The following ZFHX3 variants were observed in gnomAD, a reference collection of about 807,000 sequenced individuals.
The protein encoded by ZFHX3 is zinc finger homeobox 3.
In ZFHX3, 42 loss-of-function variants were observed where a neutral mutation model predicts 279.1. That is an observed-to-expected ratio of 0.15 (90% CI 0.12 to 0.19). The LOEUF is 0.19. Ranked by LOEUF, ZFHX3 falls within the 10% of genes least tolerant of loss-of-function variation. The probability of loss-of-function intolerance (pLI) is 1.00; values close to 1 mark genes in which losing one functional copy is unlikely to be tolerated. For synonymous variants in ZFHX3, 2,293 were observed against 1,957.8 expected (o/e 1.17, Z -4.52); for missense variants, 4,981 against 4,754.0 (o/e 1.05, Z -1.40).
At chr16:72,846,891 T>C (rs940899809) in intron 4 of ZFHX3, among the ~76,000 whole-genome samples, 2 of 152,118 alleles carry the variant, frequency 1.3e-5, no homozygotes, top group Admixed American at 6.5e-5. Context: ...TCCTTTGCCA[T>C]GGGCGGTGCT....
intron 1 of ZFHX3, among the ~76,000 whole-genome samples, chr16:73,844,374 C>T (rs1961390319): frequency 6.6e-6 from 1 of 152,076 alleles, no homozygotes; most frequent in African/African-American, 2.4e-5. Flanking sequence ...AATAAGAAAG[C>T]ATGACCCTGT....
At chr16:73,466,820 T>C (rs926947971) in intron 2 of ZFHX3, among the ~76,000 whole-genome samples, 1 of 152,270 alleles carries the variant, frequency 6.6e-6, no homozygotes, top group South Asian at 2.1e-4. Flanking sequence ...GATCTCATAT[T>C]CTGAAATTTT....
chr16:72,983,975 T>C (rs1186177316), intron 1 of ZFHX3, among the ~76,000 whole-genome samples: 1 of 152,218 alleles, frequency 6.6e-6, no homozygotes, highest in South Asian at 2.1e-4. Flanking sequence ...TGGCTCTCTA[T>C]GGCCTGGCTT....
intron 6 of ZFHX3, chr16:73,134,412 C>T (rs4268781): frequency 0.62 from 90,036 of 145,014 alleles, 29,056 homozygotes; most frequent in African/African-American, 0.75. Context: ...GGCGTTATCA[C>T]GGCTCAGTCC....
chr16:73,135,969 T>G (rs1440672963), intron 6 of ZFHX3, among the ~76,000 whole-genome samples: 2 of 152,008 alleles, frequency 1.3e-5, no homozygotes, highest in African/African-American at 4.8e-5. Context: ...GCAATTCCCC[T>G]GCCTCAGCCT....
At chr16:73,729,916 A>C (rs942066808) in intron 1 of ZFHX3, among the ~76,000 whole-genome samples, 3 of 152,214 alleles carry the variant, frequency 2.0e-5, no homozygotes, top group Non-Finnish European at 4.4e-5. Context: ...AGTGTAAAAA[A>C]TATGTACAGC....
At chr16:73,175,803 C>A (rs991360098) in intron 5 of ZFHX3, among the ~76,000 whole-genome samples, 1 of 152,162 alleles carries the variant, frequency 6.6e-6, no homozygotes, top group Non-Finnish European at 1.5e-5. Flanking sequence ...ACATTCCCAA[C>A]GCTTGAACCC....
At chr16:73,207,936 C>T (rs2011869527) in intron 5 of ZFHX3, among the ~76,000 whole-genome samples, 1 of 152,150 alleles carries the variant, frequency 6.6e-6, no homozygotes, top group African/African-American at 2.4e-5. Context: ...TTTGTCTCAG[C>T]TTTTCTACTT....
upstream of ZFHX3, among the ~76,000 whole-genome samples, chr16:73,050,171 CAGA>C (rs1965423862): frequency 6.6e-6 from 1 of 152,222 alleles, no homozygotes; most frequent in Non-Finnish European, 1.5e-5. Flanking sequence ...GGTAGGCCCA[CAGA>C]CAAATACCTT....
chr16:73,058,554 G>A, exon 1 of ZFHX3: 1 of 197,108 alleles, frequency 5.1e-6, no homozygotes, highest in Non-Finnish European at 1.0e-5. Flanking sequence ...GGCGGCGGCG[G>A]CTGCAGCGGC....
chr16:73,750,059 C>CTA (rs1597094232), intron 1 of ZFHX3, among the ~76,000 whole-genome samples: 2 of 152,128 alleles, frequency 1.3e-5, no homozygotes, highest in East Asian at 3.9e-4. Flanking sequence ...GGCTAACAAT[C>CTA]TATACTCTCC....
At chr16:73,755,467 T>C (rs559808983) in intron 1 of ZFHX3, among the ~76,000 whole-genome samples, 2 of 152,198 alleles carry the variant, frequency 1.3e-5, no homozygotes, top group South Asian at 2.1e-4. Context: ...AGACAGTGCA[T>C]AGTGTGTGAG....
intron 2 of ZFHX3, among the ~76,000 whole-genome samples, chr16:73,608,268 C>T (rs1055151853): frequency 6.6e-6 from 1 of 152,304 alleles, no homozygotes; most frequent in South Asian, 2.1e-4. Flanking sequence ...TTTCTTGAAG[C>T]TGGTCCCATA....
At chr16:73,136,288 C>T (rs1317655729) in intron 6 of ZFHX3, among the ~76,000 whole-genome samples, 1 of 152,072 alleles carries the variant, frequency 6.6e-6, no homozygotes, top group African/African-American at 2.4e-5. Flanking sequence ...CCATTTTTGC[C>T]ACTCTGAGGA....
In ZFHX3 at chr16:72,798,568, T is replaced by G; in HGVS notation, c.4114A>C (p.Lys1372Gln). ...CWKKGCNQVF[K>Q]TSAALQTHFN... ...TGCGTCTGAAGGGCAGCAGAAGTTT[T>G]GAAAACCTGGTTGCACCCCTTCTTC... is the stretch of plus-strand genomic sequence containing the variant. The change falls in exon 9 of 10, where the codon AAA (lysine) becomes CAA (glutamine). Residue 1372 changes from lysine (K) to glutamine (Q), a missense_variant. Transcript: ENST00000268489. 1 of 1,614,198 alleles carries G rather than the reference T, an allele frequency of 6.2e-7. No individual in the cohort carries two copies. The highest frequency in any genetic ancestry group is 1.1e-5 in the South Asian group (1 of 91,078).
chr16:73,531,524 G>T (rs184528317), intron 2 of ZFHX3, among the ~76,000 whole-genome samples: 48 of 151,990 alleles, frequency 3.2e-4, no homozygotes, highest in African/African-American at 1.1e-3. Context: ...AGACCAGCCT[G>T]GGCAATGTAG....
At chr16:73,079,123 A>G (rs906207414) in intron 8 of ZFHX3, among the ~76,000 whole-genome samples, 1 of 152,040 alleles carries the variant, frequency 6.6e-6, no homozygotes, top group Admixed American at 6.6e-5. Flanking sequence ...CTGGAGTCCA[A>G]CCCGACCAGG....
intron 4 of ZFHX3, among the ~76,000 whole-genome samples, chr16:72,861,542 G>A (rs1421400346): frequency 6.6e-6 from 1 of 152,128 alleles, no homozygotes; most frequent in Non-Finnish European, 1.5e-5. Flanking sequence ...CAGAGCAAGA[G>A]AACACCCTAA....
chr16:72,935,180 G>A (rs1035457569), intron 3 of ZFHX3, among the ~76,000 whole-genome samples: 3 of 152,196 alleles, frequency 2.0e-5, no homozygotes, highest in Non-Finnish European at 4.4e-5. Context: ...GTTATCCTGC[G>A]CATAGCGGGT....
Sources: allele counts gnomAD v4.1 joint callset (sites outside exome capture counted in the v4.1 genomes callset), GRCh38; gene constraint gnomAD v4.1.1; transcripts MANE v1.5; gene names NCBI Gene and HGNC (gene_info 2026-07-23, HGNC 2026-07-21).